PDGFRL: variants seen among roughly 807,000 people sequenced by gnomAD.
The protein encoded by PDGFRL is platelet derived growth factor receptor like, also known as platelet-derived growth factor receptor-like protein.
PDGFRL carries 46 observed loss-of-function variants against 37.2 expected under a neutral mutation model. That is an observed-to-expected ratio of 1.24 (90% CI 0.98 to 1.58). The LOEUF is 1.58. PDGFRL is among the 40% of genes most tolerant of loss of function. The pLI is 0.00. For synonymous variants in PDGFRL, 251 were observed against 184.3 expected (o/e 1.36, Z -2.93); for missense variants, 692 against 467.6 (o/e 1.48, Z -4.43).
At chr8:17,613,822 G>C (rs541806764) in intron 2 of PDGFRL, among the ~76,000 whole-genome samples, 31 of 152,244 alleles carry the variant, frequency 2.0e-4, no homozygotes, top group African/African-American at 6.5e-4. Context: ...TCACACCACT[G>C]CCCTCCAGCC....
At chr8:17,609,154 G>A (rs1804350258) in intron 2 of PDGFRL, among the ~76,000 whole-genome samples, 1 of 152,120 alleles carries the variant, frequency 6.6e-6, no homozygotes, top group African/African-American at 2.4e-5. Flanking sequence ...GTGAGCCATG[G>A]TCACACTGCT....
At chr8:17,592,574 G>A (rs570191792) in intron 2 of PDGFRL, among the ~76,000 whole-genome samples, 9 of 152,220 alleles carry the variant, frequency 5.9e-5, no homozygotes, top group South Asian at 2.1e-4. Context: ...CTCTGCTTTC[G>A]CTGCCCTGGG....
chr8:17,616,615 C>G (rs1804535446), intron 2 of PDGFRL, among the ~76,000 whole-genome samples: 1 of 152,168 alleles, frequency 6.6e-6, no homozygotes, highest in African/African-American at 2.4e-5. Context: ...TTCCCTGGGA[C>G]TGCATGCCCT....
At chr8:17,636,028 G>C (rs1804964115) in intron 5 of PDGFRL, among the ~76,000 whole-genome samples, 1 of 152,200 alleles carries the variant, frequency 6.6e-6, no homozygotes, top group South Asian at 2.1e-4. Context: ...TCCTTTTTCA[G>C]ATGTATGGAT....
chr8:17,636,276 G>A (rs1157718697), intron 5 of PDGFRL, among the ~76,000 whole-genome samples: 1 of 151,858 alleles, frequency 6.6e-6, no homozygotes, highest in South Asian at 2.1e-4. Context: ...GATCCACCTT[G>A]AGTTGATTTT....
Position 17,577,323 on chromosome 8 carries a change from C to A in PDGFRL, c.55+16C>A, listed in dbSNP as rs752897109. 1.2e-6 allele frequency: 2 copies of A among 1,606,910 alleles called. No homozygotes were observed. Among genetic ancestry groups the A allele is most frequent in the South Asian group, 2.2e-5 (2 of 90,146 alleles). Reference sequence around the variant, plus strand: ...CTGGAGGATGGTGAGTGACTCTGGGCGCGGGGCCACCTAGCTTGTGCCCTG... The same window carrying A: ...CTGGAGGATGGTGAGTGACTCTGGGAGCGGGGCCACCTAGCTTGTGCCCTG... On this transcript the variant is annotated intron_variant, in intron 1 of 5. Coordinates refer to ENST00000251630, the MANE Select transcript of PDGFRL (RefSeq NM_001372073.1).
At chr8:17,610,069 C>T (rs998553983) in intron 2 of PDGFRL, among the ~76,000 whole-genome samples, 2 of 152,160 alleles carry the variant, frequency 1.3e-5, no homozygotes, top group African/African-American at 4.8e-5. Flanking sequence ...CTGACTTGGC[C>T]ATAATACACT....
chr8:17,608,525 T>C (rs1804334333), intron 2 of PDGFRL, among the ~76,000 whole-genome samples: 1 of 152,190 alleles, frequency 6.6e-6, no homozygotes, highest in Non-Finnish European at 1.5e-5. Context: ...GGAGGCACTG[T>C]CCCATACAAG....
intron 5 of PDGFRL, among the ~76,000 whole-genome samples, chr8:17,638,743 A>ATATATATATATATATATAT (rs1805026397): frequency 9.3e-5 from 2 of 21,472 alleles, no homozygotes; most frequent in Non-Finnish European, 1.9e-4. Context: ...AGGTGCATAT[A>ATATATATATATATATATAT]TATATATATA....
intron 2 of PDGFRL, among the ~76,000 whole-genome samples, chr8:17,614,834 C>A (rs1804491661): frequency 1.3e-5 from 2 of 152,170 alleles, no homozygotes; most frequent in South Asian, 4.1e-4. Context: ...TGTTTATCTA[C>A]CTGAGGCACC....
intron 2 of PDGFRL, among the ~76,000 whole-genome samples, chr8:17,590,929 T>C (rs1302561714): frequency 4.2e-5 from 6 of 144,210 alleles, no homozygotes; most frequent in African/African-American, 1.3e-4. Flanking sequence ...GTCCCACAGG[T>C]TGGAGTGCAG....
intron 3 of PDGFRL, among the ~76,000 whole-genome samples, chr8:17,626,733 T>C (rs1005035189): frequency 3.9e-5 from 6 of 152,012 alleles, no homozygotes; most frequent in Non-Finnish European, 5.9e-5. Context: ...CAATGTACCA[T>C]GCCAAAAAAG....
intron 1 of PDGFRL, among the ~76,000 whole-genome samples, chr8:17,589,203 C>T (rs1448919602): frequency 6.6e-6 from 1 of 151,946 alleles, no homozygotes; most frequent in African/African-American, 2.4e-5. Flanking sequence ...CGTGCTGAGA[C>T]CCTGTCTCCA....
intron 2 of PDGFRL, among the ~76,000 whole-genome samples, chr8:17,605,224 G>C (rs35120532): frequency 0.99 from 150,938 of 152,286 alleles, 74,813 homozygotes; most frequent in Middle Eastern, 1. Flanking sequence ...AGGGTTAGCC[G>C]TCCTCATTGC....
At chr8:17,609,100 G>A (rs1346431331) in intron 2 of PDGFRL, among the ~76,000 whole-genome samples, 1 of 152,156 alleles carries the variant, frequency 6.6e-6, no homozygotes, top group Non-Finnish European at 1.5e-5. Context: ...TACACCCTGT[G>A]GTCCTGGCTG....
intron 1 of PDGFRL, among the ~76,000 whole-genome samples, chr8:17,586,380 C>G (rs1306856878): frequency 6.6e-6 from 1 of 152,158 alleles, no homozygotes; most frequent in Non-Finnish European, 1.5e-5. Flanking sequence ...TGGCTTGGAA[C>G]TCCATGTCAC....
At chr8:17,576,615 G>C (rs1449573993), upstream of PDGFRL, 1 of 543,534 alleles carries the variant, frequency 1.8e-6, no homozygotes, top group African/African-American at 2.0e-5. Flanking sequence ...CCAGAGGCCC[G>C]GGTTGTCTGC....
chr8:17,577,438 C>T lies in PDGFRL; in HGVS notation c.55+131C>T, dbSNP rs943467359. 3 of 757,472 alleles carry T rather than the reference C, an allele frequency of 4.0e-6. No homozygotes were observed. In the African/African-American group the frequency reaches 5.2e-5, roughly 13 times the overall value. 46.9% of individuals were successfully genotyped at this position (757,472 alleles called of 1,614,324 possible). ...CGGTGGCTCAGCCCCCGCGCCACTG[C>T]CTGCCCGGTGCACCTGCCCCCTCCT... On this transcript the variant is annotated intron_variant, in intron 1 of 5. Coordinates refer to ENST00000251630, the MANE Select transcript of PDGFRL (RefSeq NM_001372073.1).
chr8:17,577,069 T>C (rs1803598099), upstream of PDGFRL: 2 of 245,378 alleles, frequency 8.2e-6, no homozygotes, highest in African/African-American at 1.2e-4. Context: ...AGAAGTCACA[T>C]TACACAGAGA....
Sources: allele counts gnomAD v4.1 joint callset (sites outside exome capture counted in the v4.1 genomes callset), GRCh38; gene constraint gnomAD v4.1.1; transcripts MANE v1.5; gene names NCBI Gene and HGNC (gene_info 2026-07-23, HGNC 2026-07-21).